Variants in STK32B observed in about 807,000 individuals in gnomAD.
STK32B encodes serine/threonine kinase 32B, also known as serine/threonine-protein kinase 32B.
STK32B carries 43 observed loss-of-function variants against 52.6 expected under a neutral mutation model. That is an observed-to-expected ratio of 0.82 (90% CI 0.64 to 1.05). The LOEUF (loss-of-function observed/expected upper bound fraction) is 1.05. STK32B is among the 50% of genes least tolerant of loss of function. The pLI is 0.00. For synonymous variants in STK32B, 238 were observed against 204.3 expected, an observed-to-expected ratio of 1.17 and a Z score of -1.41; for missense variants, 621 against 534.6, an observed-to-expected ratio of 1.16 and a Z score of -1.59.
At chr4:5,199,533 A>G (rs761251702) in intron 3 of STK32B, among the ~76,000 whole-genome samples, 8 of 151,472 alleles carry the variant, frequency 5.3e-5, no homozygotes, top group Non-Finnish European at 1.0e-4. Context: ...CATGTTCCAC[A>G]TTAGTGAAGC....
At chr4:5,341,652 T>C (rs144577373) in intron 4 of STK32B, among the ~76,000 whole-genome samples, 288 of 152,286 alleles carry the variant, frequency 1.9e-3, no homozygotes, top group African/African-American at 6.5e-3. Context: ...GAGTAATTTA[T>C]AAAGAAAAGA....
intron 4 of STK32B, among the ~76,000 whole-genome samples, chr4:5,338,599 T>A (rs1289565081): frequency 1.3e-5 from 2 of 152,210 alleles, no homozygotes; most frequent in Non-Finnish European, 2.9e-5. Flanking sequence ...ATTGGTGAGA[T>A]AAATGCCGAT....
chr4:5,052,265 G>A (rs1741819253), intron 1 of STK32B, among the ~76,000 whole-genome samples: 1 of 152,150 alleles, frequency 6.6e-6, no homozygotes, highest in Admixed American at 6.5e-5. Flanking sequence ...AGGAAACCGA[G>A]GTTTCCTTGA....
intron 1 of STK32B, among the ~76,000 whole-genome samples, chr4:5,081,002 TGA>T (rs1337378263): frequency 3.9e-5 from 6 of 152,202 alleles, no homozygotes; most frequent in Non-Finnish European, 7.3e-5. Context: ...TCTGTTTTTG[TGA>T]GTTTGGCTTT....
At chr4:5,248,280 G>A (rs1725608172) in intron 3 of STK32B, among the ~76,000 whole-genome samples, 1 of 152,170 alleles carries the variant, frequency 6.6e-6, no homozygotes, top group Non-Finnish European at 1.5e-5. Flanking sequence ...ATTTTCTATA[G>A]TAACAAATTC....
intron 1 of STK32B, among the ~76,000 whole-genome samples, chr4:5,099,687 G>A (rs1041248824): frequency 2.6e-5 from 4 of 152,114 alleles, no homozygotes; most frequent in Non-Finnish European, 5.9e-5. Context: ...TTCTAGGCAG[G>A]GGAAATATCC....
chr4:5,211,983 A>G (rs1331319652), intron 3 of STK32B, among the ~76,000 whole-genome samples: 1 of 152,220 alleles, frequency 6.6e-6, no homozygotes, highest in Non-Finnish European at 1.5e-5. Context: ...TCACCAATGA[A>G]AACTGAAGCC....
At chr4:5,364,573 G>T (rs1277159040) in intron 4 of STK32B, among the ~76,000 whole-genome samples, 1 of 152,190 alleles carries the variant, frequency 6.6e-6, no homozygotes, top group Non-Finnish European at 1.5e-5. Context: ...AACTAGCCAA[G>T]AGAAAATTCT....
intron 11 of STK32B, among the ~76,000 whole-genome samples, chr4:5,481,718 G>A (rs1174329493): frequency 1.3e-5 from 2 of 152,138 alleles, no homozygotes; most frequent in African/African-American, 4.8e-5. Flanking sequence ...ATGGTTTTAG[G>A]TCTAACATTT....
intron 3 of STK32B, among the ~76,000 whole-genome samples, chr4:5,306,684 G>C (rs1729947951): frequency 6.6e-6 from 1 of 152,042 alleles, no homozygotes; most frequent in African/African-American, 2.4e-5. Context: ...TCATTGTGCT[G>C]TTTGTTGCCT....
At chr4:5,243,856 G>A (rs1488450683) in intron 3 of STK32B, among the ~76,000 whole-genome samples, 3 of 152,094 alleles carry the variant, frequency 2.0e-5, no homozygotes, top group Non-Finnish European at 4.4e-5. Context: ...TTTGTCTTTG[G>A]TTCTGTTTAT....
intron 4 of STK32B, among the ~76,000 whole-genome samples, chr4:5,354,306 C>T (rs1734036667): frequency 6.6e-6 from 1 of 152,190 alleles, no homozygotes; most frequent in Admixed American, 6.5e-5. Flanking sequence ...CACTCTGTGG[C>T]CCAGGCTGGA....
At position 5,386,389 on chromosome 4, in the gene STK32B, G is replaced by T. The variant is rs534190032; in HGVS notation, c.435-11818G>T. ...GGGTGGAAATGGTGGGCCAGAGGGA[G>T]GGGGAGTGGGAACCATGGTAGAAGC... On this transcript the variant is annotated intron_variant, in intron 4 of 11. Coordinates refer to ENST00000282908, the MANE Select transcript of STK32B (RefSeq NM_018401.3). This position sits in a 1 kb window ranked among gnomAD's most constrained non-coding sequence, Gnocchi z 4.5. Among the ~76,000 whole-genome samples, 3 of 152,106 alleles carry T rather than the reference G, an allele frequency of 2.0e-5. No homozygotes were observed. Among genetic ancestry groups the T allele is most frequent in the Admixed American group, 1.3e-4 (2 of 15,286 alleles).
At chr4:5,413,171 A>G (rs1429909923) in intron 5 of STK32B, among the ~76,000 whole-genome samples, 4 of 152,146 alleles carry the variant, frequency 2.6e-5, no homozygotes, top group African/African-American at 9.7e-5. Context: ...ACAAGGCCCT[A>G]TTAATATTAT....
chr4:5,414,006 T>C (rs899855689), intron 5 of STK32B, among the ~76,000 whole-genome samples: 1 of 152,224 alleles, frequency 6.6e-6, no homozygotes, highest in African/African-American at 2.4e-5. Flanking sequence ...TGTAAAGATA[T>C]ATTCAGGAAT....
At position 5,060,059 on chromosome 4, in the gene STK32B, C is replaced by T. The variant is rs913351469; in HGVS notation, c.52+8144C>T. Among the ~76,000 whole-genome samples the T allele has an allele frequency of 4.6e-5, 7 of 152,248 alleles. No individual in the cohort carries two copies. In the South Asian group the frequency reaches 8.3e-4, roughly 18 times the overall value. On this transcript the variant is annotated intron_variant, in intron 1 of 11. Transcript: ENST00000282908. ...TTGGCTCACCACAACCTCCACCTCC[C>T]GGGTTCAAGTGATTCTCCTGCCTCG...
At position 5,205,345 on chromosome 4, in the gene STK32B, A is replaced by C. The variant is rs764730960; in HGVS notation, c.260+36895A>C. Among the ~76,000 whole-genome samples the C allele has an allele frequency of 2.4e-4, 37 of 152,270 alleles. 1 individual carries two copies. Among genetic ancestry groups the C allele is most frequent in the South Asian group, 6.2e-4 (3 of 4,816 alleles). The stretch of plus-strand genomic sequence containing the variant: ...ACAATCTCCATAATCCTGTGAGCCA[A>C]TGTCTATAGTAAATCTCTTGTATCT... On this transcript the variant is annotated intron_variant, in intron 3 of 11. Coordinates refer to ENST00000282908, the MANE Select transcript of STK32B (RefSeq NM_018401.3).
chr4:5,380,528 T>C lies in STK32B; in HGVS notation c.435-17679T>C, dbSNP rs1368567625. ...ATGGGACCTTGAGCCAGCAACTTCT[T>C]GCTAAGCCCCTGATGGTGTGCAAAG... On this transcript the variant is annotated intron_variant, in intron 4 of 11. Coordinates refer to ENST00000282908, the MANE Select transcript of STK32B (RefSeq NM_018401.3). This position sits in a 1 kb window ranked among gnomAD's most constrained non-coding sequence, Gnocchi z 4.3. Among the ~76,000 whole-genome samples the C allele has an allele frequency of 6.6e-6, 1 of 152,184 alleles. No homozygotes were observed. Among genetic ancestry groups the C allele is most frequent in the Non-Finnish European group, 1.5e-5 (1 of 68,042 alleles).
rs1396008211 is a variant in STK32B, at chr4:5,171,817, T to G, written c.260+3367T>G. On this transcript the variant is annotated intron_variant, in intron 3 of 11. Transcript: ENST00000282908. ...CTCTGTTTTGGTTCCATATGAACTT[T>G]AAAGTAGTTTTTTCCAATTCTGTGA... 6.0e-5 allele frequency among the ~76,000 whole-genome samples: 9 copies of G among 150,860 alleles called. No homozygotes were observed. The South Asian group carries it at 8.5e-4, about 14-fold the overall frequency.
Sources: gnomAD v4.1 joint callset for allele counts (sites outside exome capture counted in the v4.1 genomes callset) on GRCh38, gnomAD v4.1.1 for gene constraint, Gnocchi (gnomAD v3.1) non-coding constraint, MANE v1.5 for transcripts, NCBI Gene and HGNC (gene_info 2026-07-23, HGNC 2026-07-21) for gene names.